Variants in DPT observed in about 807,000 individuals in gnomAD.
DPT encodes the protein tyrosine-rich acidic matrix protein.
In DPT, 21 loss-of-function variants were observed where a neutral mutation model predicts 31.2. The ratio of observed to expected loss-of-function variants is 0.67; its 90% confidence interval spans 0.48 to 0.97. DPT has a LOEUF of 0.97. Ranked by LOEUF, DPT falls within the 50% of genes least tolerant of loss-of-function variation. DPT has a pLI of 0.00. For missense variants in DPT, 262 were observed against 258.8 expected (o/e 1.01, Z -0.08); for synonymous variants, 91 against 86.9 (o/e 1.05, Z -0.26).
At chr1:168,707,103 C>A (rs1649736729) in intron 2 of DPT, among the ~76,000 whole-genome samples, 1 of 152,192 alleles carries the variant, frequency 6.6e-6, no homozygotes. Flanking sequence ...GGCAGATAGA[C>A]TGGTTGAGTC....
At chr1:168,727,435 C>T (rs761637776) in intron 1 of DPT, among the ~76,000 whole-genome samples, 3 of 152,200 alleles carry the variant, frequency 2.0e-5, no homozygotes, top group Non-Finnish European at 2.9e-5. Context: ...GCTCTCTTTC[C>T]TGGCTCCCCC....
chr1:168,702,602 A>G (rs1166429937), intron 2 of DPT, among the ~76,000 whole-genome samples: 1 of 146,268 alleles, frequency 6.8e-6, no homozygotes, highest in Non-Finnish European at 1.5e-5. Flanking sequence ...TTTACCTTTC[A>G]GGTAAATGTC....
chr1:168,703,594 T>C (rs1472177998), intron 2 of DPT, among the ~76,000 whole-genome samples: 1 of 152,226 alleles, frequency 6.6e-6, no homozygotes, highest in African/African-American at 2.4e-5. Flanking sequence ...CTTTTTCTTC[T>C]TGGTCCCAGA....
Position 168,729,106 on chromosome 1 carries a change from A to T in DPT, c.69T>A (p.Tyr23Ter). The T allele has an allele frequency of 6.2e-7, 1 of 1,614,214 alleles. No individual in the cohort carries two copies. Among genetic ancestry groups the T allele is most frequent in the Non-Finnish European group, 8.5e-7 (1 of 1,180,040 alleles). ...CATGATACTGCTGGTATGGGTATCC[A>T]TAATCGCCATACTGGCCCCAGGCCA... ...VTMAWGQYGD[Y>*]GYPYQQYHDY... Residue 23 changes from tyrosine to a stop codon, truncating the protein, a stop_gained, in exon 1 of 4, where the codon TAT (tyrosine) becomes TAA (stop). Coordinates refer to ENST00000367817, the MANE Select transcript of DPT (RefSeq NM_001937.5). LOFTEE classifies it high-confidence loss of function.
At chr1:168,705,068 A>G (rs1289613551) in intron 2 of DPT, among the ~76,000 whole-genome samples, 8 of 152,234 alleles carry the variant, frequency 5.3e-5, no homozygotes, top group Non-Finnish European at 1.0e-4. Flanking sequence ...AGTTATATAC[A>G]GTGGCCAATT....
At chr1:168,727,475 C>A (rs1650274625) in intron 1 of DPT, among the ~76,000 whole-genome samples, 1 of 152,054 alleles carries the variant, frequency 6.6e-6, no homozygotes, top group Non-Finnish European at 1.5e-5. Context: ...TCTTGGATTT[C>A]CCATCATCAC....
intron 1 of DPT, among the ~76,000 whole-genome samples, chr1:168,719,724 A>T (rs1650060980): frequency 1.3e-5 from 2 of 152,038 alleles, no homozygotes; most frequent in South Asian, 2.1e-4. Context: ...AGGAAATAAG[A>T]CTATTTCCTT....
chr1:168,722,161 A>ATGAGCTT, intron 1 of DPT, among the ~76,000 whole-genome samples: 1 of 152,234 alleles, frequency 6.6e-6, no homozygotes, highest in African/African-American at 2.4e-5. Flanking sequence ...TGCATGAGCT[A>ATGAGCTT]CATTAGCATC....
intron 3 of DPT, 101 bp downstream of exon 3, chr1:168,700,890 CGTGTGTGTGTGTGTGTGGGTGTGTGT>C (rs1649579025): frequency 3.7e-6 from 2 of 540,016 alleles, no homozygotes; most frequent in Non-Finnish European, 6.1e-6. Context: ...TTGTATTCTA[CGTGTGTGTGTGTGTGTGGGTGTGTGT>C]GTGTGTGTGT....
intron 1 of DPT, among the ~76,000 whole-genome samples, chr1:168,725,382 G>A (rs928890630): frequency 6.7e-6 from 1 of 148,936 alleles, no homozygotes; most frequent in Non-Finnish European, 1.5e-5. Flanking sequence ...ATGAGATACC[G>A]AATGTCACAG....
chr1:168,715,723 C>G (rs1649967461), intron 1 of DPT, among the ~76,000 whole-genome samples: 1 of 152,206 alleles, frequency 6.6e-6, no homozygotes, highest in Admixed American at 6.5e-5. Context: ...ATGCAAAGCC[C>G]AGATGGGTAT....
rs539309989 is a variant in DPT at position 168,729,149 on chromosome 1, A to T, written c.26T>A (p.Leu9His). The T allele has an allele frequency of 6.2e-7, 1 of 1,614,062 alleles. No individual in the cohort carries two copies. The highest frequency in any genetic ancestry group is 1.7e-5 in the Admixed American group (1 of 60,008). ...CCAGGCCATGGTGACTAGGGGCAGA[A>T]GTACCCAGAGAAGACTGAGGTCCAT... MDLSLLWV[L>H]LPLVTMAWGQ... Residue 9 changes from leucine (L) to histidine (H), a missense_variant, in exon 1 of 4, where the codon CTT (leucine) becomes CAT (histidine). Coordinates refer to ENST00000367817, the MANE Select transcript of DPT (RefSeq NM_001937.5).
In DPT at chr1:168,708,704, C is replaced by T. The variant is rs768938663; in HGVS notation, c.431+5517G>A. 8.0e-4 allele frequency among the ~76,000 whole-genome samples: 121 copies of T among 151,936 alleles called. 1 individual carries two copies. The highest frequency in any genetic ancestry group is 4.7e-4 in the Non-Finnish European group (32 of 67,932). On this transcript the variant is annotated intron_variant, in intron 2 of 3. Coordinates refer to ENST00000367817, the MANE Select transcript of DPT (RefSeq NM_001937.5). Reference sequence around the variant, plus strand: ...TAGGAGATATACCTAATGGAAGCTGCTCTTCTTACCAGGCCTCTGGGAGCT... The same window carrying T: ...TAGGAGATATACCTAATGGAAGCTGTTCTTCTTACCAGGCCTCTGGGAGCT...
chr1:168,699,937 T>C (rs574116146), intron 3 of DPT, among the ~76,000 whole-genome samples: 23 of 152,202 alleles, frequency 1.5e-4, no homozygotes, highest in African/African-American at 5.3e-4. Flanking sequence ...GATTAAGGAG[T>C]TGATTGTGAG....
At chr1:168,696,826 G>A (rs2101896954) in intron 3 of DPT, among the ~76,000 whole-genome samples, 2 of 152,288 alleles carry the variant, frequency 1.3e-5, no homozygotes, top group South Asian at 4.1e-4. Flanking sequence ...TGACTAATTA[G>A]GTCACTGGCT....
intron 1 of DPT, among the ~76,000 whole-genome samples, chr1:168,722,144 C>G (rs771903139): frequency 1.3e-5 from 2 of 152,126 alleles, no homozygotes; most frequent in Non-Finnish European, 2.9e-5. Flanking sequence ...CCAGGTCACA[C>G]AGGAATTGCA....
intron 1 of DPT, among the ~76,000 whole-genome samples, chr1:168,720,745 T>G (rs1345775612): frequency 6.6e-6 from 1 of 152,152 alleles, no homozygotes; most frequent in Non-Finnish European, 1.5e-5. Context: ...TCCTTAACAC[T>G]CCCAAATTTC....
At chr1:168,700,149 G>A (rs940292798) in intron 3 of DPT, among the ~76,000 whole-genome samples, 1 of 152,120 alleles carries the variant, frequency 6.6e-6, no homozygotes, top group Non-Finnish European at 1.5e-5. Flanking sequence ...GATAGTATTA[G>A]GAGGAGGAGC....
intron 3 of DPT, among the ~76,000 whole-genome samples, chr1:168,698,040 T>A (rs1649502626): frequency 6.6e-6 from 1 of 152,292 alleles, no homozygotes; most frequent in East Asian, 1.9e-4. Flanking sequence ...CTCAGAATTA[T>A]CTATCTCCCT....
Sources: gnomAD v4.1 joint callset for allele counts (sites outside exome capture counted in the v4.1 genomes callset) on GRCh38, gnomAD v4.1.1 for gene constraint, MANE v1.5 for transcripts, NCBI Gene and HGNC (gene_info 2026-07-23, HGNC 2026-07-21) for gene names.